ADCK1: variants seen among roughly 807,000 people sequenced by gnomAD.
The protein encoded by ADCK1 is aarF domain containing kinase 1.
A neutral mutation model predicts 52.3 loss-of-function variants in ADCK1; 41 were observed. The ratio of observed to expected loss-of-function variants is 0.78; its 90% CI spans 0.61 to 1.02. The LOEUF (loss-of-function observed/expected upper bound fraction) is 1.02. ADCK1 is among the 50% of genes least tolerant of loss of function. The pLI, the probability that ADCK1 is intolerant of heterozygous loss-of-function variation, is 0.00. For synonymous variants in ADCK1, 250 were observed against 274.6 expected (o/e 0.91, Z 0.89); for missense variants, 658 against 679.5 (o/e 0.97, Z 0.35).
Position 77,846,317 on chromosome 14 carries a change from A to G in ADCK1, c.220-12759A>G, listed in dbSNP as rs1250162421. On this transcript the variant is annotated intron_variant, in intron 3 of 10. Transcript: ENST00000238561. Reference sequence around the variant, plus strand: ...CAGGGCCTAGTCAAAGCCTAGACCCAAAGCTATGCTATGGTCCTCTCCCCA... The same window carrying G: ...CAGGGCCTAGTCAAAGCCTAGACCCGAAGCTATGCTATGGTCCTCTCCCCA... Among the ~76,000 whole-genome samples the G allele has an allele frequency of 1.3e-5, 2 of 152,182 alleles. 1 individual carries two copies. The highest frequency in any genetic ancestry group is 3.9e-4 in the East Asian group (2 of 5,190).
intron 4 of ADCK1, among the ~76,000 whole-genome samples, chr14:77,869,259 C>G (rs1320965423): frequency 6.6e-6 from 1 of 152,150 alleles, no homozygotes. Context: ...AAGGTATCAG[C>G]AGGGTGGGTT....
At chr14:77,902,653 C>T (rs1226266047) in intron 6 of ADCK1, 1 of 152,178 alleles carries the variant, frequency 6.6e-6, no homozygotes, top group Non-Finnish European at 1.5e-5. Context: ...TGTGTTGTTG[C>T]AGTGCAGGTT....
chr14:77,886,079 C>G (rs1240033303), intron 4 of ADCK1, among the ~76,000 whole-genome samples: 1 of 152,204 alleles, frequency 6.6e-6, no homozygotes, highest in African/African-American at 2.4e-5. Flanking sequence ...GGGCTTTGTC[C>G]AGGCCTACCT....
At chr14:77,933,056 G>A (rs1270387098) in intron 10 of ADCK1, among the ~76,000 whole-genome samples, 164 bp from the exon 11 acceptor site, 3 of 152,140 alleles carry the variant, frequency 2.0e-5, no homozygotes, top group African/African-American at 4.8e-5. Context: ...TCTGGCTCCC[G>A]ATTGGGTAGT....
intron 5 of ADCK1, among the ~76,000 whole-genome samples, chr14:77,892,567 G>T (rs1046107097): frequency 6.6e-6 from 1 of 151,046 alleles, no homozygotes; most frequent in Non-Finnish European, 1.5e-5. Context: ...AGCGAGCACC[G>T]CACGTAGTCC....
Position 77,933,543 on chromosome 14 carries a change from C to G in ADCK1, c.*152C>G. On this transcript the variant is annotated 3_prime_UTR_variant, in exon 11 of 11. Coordinates refer to ENST00000238561, the MANE Select transcript of ADCK1 (RefSeq NM_020421.4). ...CATCCTTCTCCTCCTTTGGAATCCTCTCCGCACACTGTGGCCCTTGTCTCA... is the reference window on the plus strand; with the variant it reads ...CATCCTTCTCCTCCTTTGGAATCCTGTCCGCACACTGTGGCCCTTGTCTCA... 3.4e-6 allele frequency: 3 copies of G among 887,370 alleles called. No homozygotes were observed. Among genetic ancestry groups the G allele is most frequent in the Non-Finnish European group, 5.3e-6 (3 of 571,148 alleles). 55.0% of individuals were successfully genotyped at this position (887,370 alleles called of 1,614,324 possible).
intron 4 of ADCK1, among the ~76,000 whole-genome samples, chr14:77,875,379 T>G (rs1336919148): frequency 2.0e-5 from 3 of 152,072 alleles, no homozygotes; most frequent in Non-Finnish European, 2.9e-5. Flanking sequence ...TCCTCTTTCC[T>G]CAGGGTAGGA....
intron 6 of ADCK1, among the ~76,000 whole-genome samples, chr14:77,906,338 G>A (rs112578956): frequency 4.6e-5 from 7 of 152,188 alleles, no homozygotes; most frequent in African/African-American, 1.4e-4. Context: ...GGGGAAACTC[G>A]GCATGCTGGA....
chr14:77,909,049 G>T (rs559538509), intron 7 of ADCK1, among the ~76,000 whole-genome samples: 1 of 151,666 alleles, frequency 6.6e-6, no homozygotes, highest in Admixed American at 6.6e-5. Flanking sequence ...TCACTTCAGG[G>T]TTTTGGGGAG....
chr14:77,859,477 A>G (rs574568946), intron 4 of ADCK1, among the ~76,000 whole-genome samples, 198 bp downstream of exon 4: 2 of 152,356 alleles, frequency 1.3e-5, no homozygotes, highest in East Asian at 1.9e-4. Context: ...CAGTTCAACC[A>G]TATGAAATAG....
At chr14:77,878,864 CTGTGGCCTACAAT>C (rs2082956096) in intron 4 of ADCK1, among the ~76,000 whole-genome samples, 1 of 152,206 alleles carries the variant, frequency 6.6e-6, no homozygotes, top group Admixed American at 6.5e-5. Flanking sequence ...ATGTCAGTGC[CTGTGGCCTACAAT>C]TTACAGAAGG....
chr14:77,852,907 A>ATATATATATATATTT (rs1555351700), intron 3 of ADCK1, among the ~76,000 whole-genome samples: 1 of 28,944 alleles, frequency 3.5e-5, no homozygotes, highest in Non-Finnish European at 5.5e-5. Context: ...ATATATATAT[A>ATATATATATATATTT]TTTTTTTTTT....
intron 3 of ADCK1, among the ~76,000 whole-genome samples, chr14:77,842,838 T>C (rs2364739): frequency 0.72 from 109,315 of 151,224 alleles, 39,643 homozygotes; most frequent in Admixed American, 0.76. Flanking sequence ...GTGTGAGCCA[T>C]TGTGCCTGGT....
At position 77,844,308 on chromosome 14, in the gene ADCK1, C is replaced by T. The variant is rs1445093217; in HGVS notation, c.220-14768C>T. ...ATGTTGGCCAGGATGATCTTGATCT[C>T]CTGACCACGTGTTCCAACCACCTCG... On this transcript the variant is annotated intron_variant, in intron 3 of 10. Coordinates refer to ENST00000238561, the MANE Select transcript of ADCK1 (RefSeq NM_020421.4). Among the ~76,000 whole-genome samples, 3 of 152,078 alleles carry T rather than the reference C, an allele frequency of 2.0e-5. No homozygotes were observed. In the East Asian group the frequency reaches 5.8e-4, roughly 29 times the overall value.
At chr14:77,913,403 G>A (rs2083841632) in intron 7 of ADCK1, among the ~76,000 whole-genome samples, 1 of 152,212 alleles carries the variant, frequency 6.6e-6, no homozygotes, top group South Asian at 2.1e-4. Flanking sequence ...GGAGCCAGCA[G>A]CCTGCAGGGG....
chr14:77,931,827 T>A, intron 10 of ADCK1, 116 bp downstream of exon 10: 2 of 1,061,798 alleles, frequency 1.9e-6, no homozygotes, highest in Non-Finnish European at 1.3e-6. Flanking sequence ...AGCTTCCCAA[T>A]CTCCAGATAT....
intron 1 of ADCK1, among the ~76,000 whole-genome samples, chr14:77,807,595 C>G (rs1390412276): frequency 6.6e-6 from 1 of 151,286 alleles, no homozygotes; most frequent in South Asian, 2.1e-4. Context: ...CTGCAATCTC[C>G]GCCTCTGGGG....
At chr14:77,873,354 C>A (rs1335502708) in intron 4 of ADCK1, among the ~76,000 whole-genome samples, 1 of 152,238 alleles carries the variant, frequency 6.6e-6, no homozygotes, top group African/African-American at 2.4e-5. Context: ...GGCCAGGCCT[C>A]CTTGGTGATT....
chr14:77,855,137 C>T (rs1464689799), intron 3 of ADCK1, among the ~76,000 whole-genome samples: 1 of 152,236 alleles, frequency 6.6e-6, no homozygotes, highest in East Asian at 1.9e-4. Context: ...CCCCACGTGG[C>T]CTGGCATGGC....
Sources: gnomAD v4.1 joint callset for allele counts (sites outside exome capture counted in the v4.1 genomes callset) on GRCh38, gnomAD v4.1.1 for gene constraint, MANE v1.5 for transcripts, NCBI Gene and HGNC (gene_info 2026-07-23, HGNC 2026-07-21) for gene names.